Variants in RUSC1 observed in about 807,000 individuals in gnomAD.
RUSC1 encodes AP-4 complex accessory subunit RUSC1.
Under a neutral mutation model 72.1 loss-of-function variants are expected in RUSC1, and 40 were observed. The observed-to-expected ratio is 0.55, with a 90% CI of 0.43 to 0.72. RUSC1 has a LOEUF of 0.72. RUSC1 is among the 30% of genes least tolerant of loss of function. The pLI is 0.00. For synonymous variants in RUSC1, 512 were observed against 494.2 expected (o/e 1.04, Z -0.48); for missense variants, 1,092 against 1,172.3 (o/e 0.93, Z 1.00).
In RUSC1 at chr1:155,326,749, G is replaced by T. The variant is rs1651453963; in HGVS notation, c.2031G>T (p.Gln677His). 2.5e-6 allele frequency: 4 copies of T among 1,613,122 alleles called. No homozygotes were observed. In the East Asian group the frequency reaches 8.9e-5, roughly 36 times the overall value. The change falls in exon 8 of 10, where the codon CAG (glutamine) becomes CAT (histidine). Residue 677 changes from glutamine to histidine, a missense_variant. Gln to His is a conservative substitution (Grantham distance 24). Coordinates refer to ENST00000368352, the MANE Select transcript of RUSC1 (RefSeq NM_001105203.2). This position sits in a 1 kb window ranked among gnomAD's most constrained non-coding sequence, Gnocchi z 4.7. ...ACCACCTGCCCCTGGGCCCACCTCA[G>T]GCCCCTGCCCCTCCAGGCCCACCTC... The part of the protein sequence containing the change: ...HHHHLPLGPP[Q>H]APAPPGPPPA...
chr1:155,325,723 C>CA lies in RUSC1; in HGVS notation c.1814+51_1814+52insA, dbSNP rs779694514. 13 of 1,599,212 alleles carry CA rather than the reference C, an allele frequency of 8.1e-6. No homozygotes were observed. The highest frequency in any genetic ancestry group is 1.0e-5 in the Non-Finnish European group (12 of 1,167,782). ...TTCCCACGACCTGGGACTGCAGGAGCGTCATGGGTGGGACACAGTAGTAGT... is the reference window on the plus strand; with the variant it reads ...TTCCCACGACCTGGGACTGCAGGAGCAGTCATGGGTGGGACACAGTAGTAGT... On this transcript the variant is annotated intron_variant, in intron 6 of 9. Coordinates refer to ENST00000368352, the MANE Select transcript of RUSC1 (RefSeq NM_001105203.2). This position sits in a 1 kb window ranked among gnomAD's most constrained non-coding sequence, Gnocchi z 6.5.
rs1273812430 is a variant in RUSC1, at chr1:155,324,933, G to T, written c.1446G>T (p.Glu482Asp). 2 of 1,614,116 alleles carry T rather than the reference G, an allele frequency of 1.2e-6. No homozygotes were observed. The highest frequency in any genetic ancestry group is 3.3e-5 in the Admixed American group (2 of 60,006). Residue 482 changes from glutamate to aspartate, a missense_variant, in exon 3 of 10, where the codon GAG (glutamate) becomes GAT (aspartate). By Grantham distance (45) the Glu-to-Asp change is conservative. Transcript: ENST00000368352. ...EAQSGTGQLQ[E>D]QKKGLLIAVS... ...AGAGTGGGACTGGTCAGCTGCAGGA[G>T]CAGAAGAAAGGTAGGGCACCCTGAC...
intron 1 of RUSC1, 183 bp downstream of exon 1, chr1:155,321,174 C>T (rs772378995): frequency 1.8e-5 from 25 of 1,372,288 alleles, no homozygotes; most frequent in Non-Finnish European, 2.2e-5. Flanking sequence ...GGAGCCCGGC[C>T]GAGGCAGCCA....
At chr1:155,324,307 G>C in intron 2 of RUSC1, 1 of 1,569,288 alleles carries the variant, frequency 6.4e-7, no homozygotes, top group Admixed American at 1.8e-5. Context: ...TCCGCCAAGA[G>C]GCTGCTGCGG....
At chr1:155,323,919 TCCCGCCCTTCAGTTTAAGC>T in intron 2 of RUSC1, 1 of 990,696 alleles carries the variant, frequency 1.0e-6, no homozygotes, top group Non-Finnish European at 1.2e-6. Flanking sequence ...CCCAGCTTAG[TCCCGCCCTTCAGTTTAAGC>T]CGACTCCAAG....
At position 155,321,793 on chromosome 1, in the gene RUSC1, C is replaced by G; in HGVS notation, c.20C>G (p.Ala7Gly). 1.2e-6 allele frequency: 2 copies of G among 1,614,030 alleles called. No homozygotes were observed. The highest frequency in any genetic ancestry group is 1.1e-5 in the South Asian group (1 of 91,084). Residue 7 changes from alanine (A) to glycine (G), a missense_variant, in exon 2 of 10, where the codon GCT becomes GGT. Transcript: ENST00000368352. Reference protein sequence around the residue: MLSPQRALLCNLNHIHL... With the variant: MLSPQRGLLCNLNHIHL... ...AGCATCATGCTGTCCCCTCAGAGAG[C>G]TTTACTCTGCAACCTCAACCACATC...
chr1:155,330,344 G>C, intron 9 of RUSC1, 59 bp from the exon 10 acceptor site: 1 of 1,586,086 alleles, frequency 6.3e-7, no homozygotes, highest in South Asian at 1.1e-5. Context: ...GTGACGCCTG[G>C]GGACGGCTGG....
In RUSC1 at chr1:155,326,398, T is replaced by C. The variant is rs1651412650; in HGVS notation, c.1862-182T>C. ...CACTTGCTGTGTGTGTCTTCCTATTTGGGCTAGGTTCCATGCAGGCGGGGA... is the reference window on the plus strand; with the variant it reads ...CACTTGCTGTGTGTGTCTTCCTATTCGGGCTAGGTTCCATGCAGGCGGGGA... On this transcript the variant is annotated intron_variant, in intron 7 of 9. Coordinates refer to ENST00000368352, the MANE Select transcript of RUSC1 (RefSeq NM_001105203.2). This position sits in a 1 kb window ranked among gnomAD's most constrained non-coding sequence, Gnocchi z 4.7. 4.9e-6 allele frequency: 3 copies of C among 616,866 alleles called. No homozygotes were observed. The highest frequency in any genetic ancestry group is 8.4e-6 in the Non-Finnish European group (3 of 355,350). 38.2% of individuals were successfully genotyped at this position (616,866 alleles called of 1,614,324 possible). A position where few individuals can be genotyped will look rare whatever the true frequency, so the allele number is the denominator to read the frequency against.
In RUSC1 at chr1:155,322,745, G is replaced by A; in HGVS notation, c.972G>A (p.Lys324=). Residue 324 remains lysine (K), a synonymous_variant, in exon 2 of 10, where the codon AAG becomes AAA. Coordinates refer to ENST00000368352, the MANE Select transcript of RUSC1 (RefSeq NM_001105203.2). Reference sequence around the variant, plus strand: ...TCCACGAGCTGGCCCAGAAGCGCAAGCGGGGCCCAGGGCTGCCCCTTGTCC... The same window carrying A: ...TCCACGAGCTGGCCCAGAAGCGCAAACGGGGCCCAGGGCTGCCCCTTGTCC... ...TSFHELAQKR[K]RGPGLPLVPQ... is the part of the protein sequence containing the mutation. 6.2e-7 allele frequency: 1 copy of A among 1,614,138 alleles called. No individual in the cohort carries two copies. Among genetic ancestry groups the A allele is most frequent in the Non-Finnish European group, 8.5e-7 (1 of 1,180,004 alleles).
chr1:155,322,968 C>A lies in RUSC1; in HGVS notation c.1195C>A (p.Pro399Thr). ...DPPVGWALVP[P>T]RPPPPPVPPR... is the part of the protein sequence containing the mutation. ...CCCAGTTGGCTGGGCTTTGGTCCCGCCCCGGCCCCCACCCCCGCCTGTCCC... is the reference window on the plus strand; with the variant it reads ...CCCAGTTGGCTGGGCTTTGGTCCCGACCCGGCCCCCACCCCCGCCTGTCCC... Residue 399 changes from proline (P) to threonine (T), a missense_variant, in exon 2 of 10, where the codon CCC (proline) becomes ACC (threonine). Coordinates refer to ENST00000368352, the MANE Select transcript of RUSC1 (RefSeq NM_001105203.2). 6.6e-7 allele frequency: 1 copy of A among 1,508,414 alleles called. No individual in the cohort carries two copies. Among genetic ancestry groups the A allele is most frequent in the Non-Finnish European group, 8.9e-7 (1 of 1,120,142 alleles). The allele number at this position is 1,508,414 out of a possible 1,614,324, so 93.4% of individuals were successfully genotyped here.
intron 2 of RUSC1, chr1:155,324,178 G>GC (rs1294863314): frequency 5.0e-6 from 7 of 1,386,806 alleles, no homozygotes; most frequent in East Asian, 2.9e-5. Flanking sequence ...GCTCGGGCCT[G>GC]CCCCCCGACC....
chr1:155,326,543 C>G lies in RUSC1; in HGVS notation c.1862-37C>G, dbSNP rs1308310497. 6.4e-7 allele frequency: 1 copy of G among 1,568,628 alleles called. No homozygotes were observed. Among genetic ancestry groups the G allele is most frequent in the Admixed American group, 1.7e-5 (1 of 57,684 alleles). On this transcript the variant is annotated intron_variant, in intron 7 of 9. Coordinates refer to ENST00000368352, the MANE Select transcript of RUSC1 (RefSeq NM_001105203.2). The surrounding 1 kb of genome is among the most constrained non-coding windows in gnomAD (Gnocchi z 4.7). ...TCTGGGGGGTCTTCTGGGACTAGGT[C>G]CAGGGCAGGAGCTGATGTTGGCCTG...
In RUSC1 at chr1:155,326,050, T is replaced by G. The variant is rs1345270165; in HGVS notation, c.1861+140T>G. 6.4e-6 allele frequency: 6 copies of G among 940,260 alleles called. No individual in the cohort carries two copies. The highest frequency in any genetic ancestry group is 2.1e-5 in the Admixed American group (1 of 46,916). The allele number at this position is 940,260 out of a possible 1,614,324, so 58.2% of individuals were successfully genotyped here. On this transcript the variant is annotated intron_variant, in intron 7 of 9. Coordinates refer to ENST00000368352, the MANE Select transcript of RUSC1 (RefSeq NM_001105203.2). The surrounding 1 kb of genome is among the most constrained non-coding windows in gnomAD (Gnocchi z 4.7). The stretch of plus-strand genomic sequence containing the variant: ...TCTTATTACTCTTCTAATTAAAACT[T>G]TCTAAGGAGGCCCATCGCCCATAGG...
chr1:155,321,866 G>A lies in RUSC1; in HGVS notation c.93G>A (p.Glu31=). ...GCCTGCACTTGTCCCGCCGTCCTGA[G>A]CTACAGGAGGGGCCTTTGAGCACAC... ...SLGLHLSRRP[E]LQEGPLSTPP... is the part of the protein sequence containing the mutation. The change falls in exon 2 of 10, where the codon GAG becomes GAA. Residue 31 remains glutamate, a synonymous_variant. Coordinates refer to ENST00000368352, the MANE Select transcript of RUSC1 (RefSeq NM_001105203.2). 3 of 1,613,600 alleles carry A rather than the reference G, an allele frequency of 1.9e-6. No individual in the cohort carries two copies. Among genetic ancestry groups the A allele is most frequent in the Middle Eastern group, 1.6e-4 (1 of 6,062 alleles).
intron 2 of RUSC1, chr1:155,324,298 C>A: frequency 6.4e-7 from 1 of 1,560,162 alleles, no homozygotes; most frequent in South Asian, 1.2e-5. Flanking sequence ...AGGGCACCCT[C>A]CGCCAAGAGG....
chr1:155,324,003 T>G, intron 2 of RUSC1: 1 of 1,026,654 alleles, frequency 9.7e-7, no homozygotes, highest in Non-Finnish European at 1.2e-6. Context: ...GAGGGGGAAG[T>G]TGTTGCCTTT....
chr1:155,324,821 C>CG, intron 2 of RUSC1, 24 bp from the exon 3 acceptor site: 1 of 1,614,216 alleles, frequency 6.2e-7, no homozygotes, highest in East Asian at 2.2e-5. Flanking sequence ...TAAGTGTTAC[C>CG]GCGCCCTTCT....
Position 155,326,689 on chromosome 1 carries a change from C to T in RUSC1, c.1971C>T (p.Leu657=). Residue 657 remains leucine, a synonymous_variant, in exon 8 of 10, where the codon CTC becomes CTT. Transcript: ENST00000368352. This position sits in a 1 kb window ranked among gnomAD's most constrained non-coding sequence, Gnocchi z 4.7. ...LLLLLQPLSV[L]TFHLDLLFEH... ...TCCTGCTGCAGCCATTGTCGGTGCTCACTTTCCACCTGGACCTGCTCTTTG... is the reference window on the plus strand; with the variant it reads ...TCCTGCTGCAGCCATTGTCGGTGCTTACTTTCCACCTGGACCTGCTCTTTG... 16 of 1,613,738 alleles carry T rather than the reference C, an allele frequency of 9.9e-6. No homozygotes were observed. The highest frequency in any genetic ancestry group is 1.4e-5 in the Non-Finnish European group (16 of 1,180,038).
At position 155,327,124 on chromosome 1, in the gene RUSC1, A is replaced by G. The variant is rs763600410; in HGVS notation, c.2406A>G (p.Leu802=). Residue 802 remains leucine (L), a synonymous_variant, in exon 8 of 10, where the codon CTA becomes CTG. Transcript: ENST00000368352. The part of the protein sequence containing the change: ...GGPAENENGA[L]KSRRPSSWLP... ...CCGCAGAAAATGAGAATGGAGCCCT[A>G]AAGTCCAGGTAATGGGGTACCTTGT... The G allele has an allele frequency of 8.1e-6, 13 of 1,602,582 alleles. No homozygotes were observed. Among genetic ancestry groups the G allele is most frequent in the South Asian group, 1.1e-5 (1 of 90,680 alleles).
Sources: allele counts gnomAD v4.1 joint callset, GRCh38; gene constraint gnomAD v4.1.1; non-coding constraint Gnocchi (gnomAD v3.1); transcripts MANE v1.5; gene names NCBI Gene and HGNC (gene_info 2026-07-23, HGNC 2026-07-21).